CEP164: variants seen among roughly 807,000 people sequenced by gnomAD.
CEP164 encodes centrosomal protein 164.
Under a neutral mutation model 182.7 loss-of-function variants are expected in CEP164, and 162 were observed. That is an observed-to-expected ratio of 0.89 (90% CI 0.78 to 1.01). The LOEUF (loss-of-function observed/expected upper bound fraction) is 1.01, where lower values mean the gene tolerates loss of function less well. CEP164 is among the 50% of genes least tolerant of loss of function. The pLI, the probability that CEP164 is intolerant of heterozygous loss-of-function variation, is 0.00. For synonymous variants in CEP164, 661 were observed against 690.0 expected, an observed-to-expected ratio of 0.96 and a Z score of 0.66; for missense variants, 1,735 against 1,790.4, an observed-to-expected ratio of 0.97 and a Z score of 0.56.
chr11:117,396,573 T>C lies in CEP164; in HGVS notation c.3240T>C (p.Ser1080=), dbSNP rs1312922393. Residue 1080 remains serine, a synonymous_variant, in exon 26 of 33, where the codon TCT becomes TCC. Transcript: ENST00000278935. The part of the protein sequence containing the change: ...LGTNQTKEVS[S]SLSQSKEDLY... Reference sequence around the variant, plus strand: ...AGAACCAGACCAAAGAGGTGTCTTCTTCTCTCTCCCAGAGCAAGGAGGACT... The same window carrying C: ...AGAACCAGACCAAAGAGGTGTCTTCCTCTCTCTCCCAGAGCAAGGAGGACT... 1.2e-6 allele frequency: 2 copies of C among 1,613,868 alleles called. No individual in the cohort carries two copies. Among genetic ancestry groups the C allele is most frequent in the Non-Finnish European group, 1.7e-6 (2 of 1,179,710 alleles).
intron 5 of CEP164, chr11:117,356,206 G>A: frequency 3.7e-6 from 4 of 1,072,694 alleles, no homozygotes; most frequent in Non-Finnish European, 4.6e-6. Flanking sequence ...CTGACGAGGA[G>A]CAGTCAGAAA....
rs781119427 is a variant in CEP164 at position 117,397,298 on chromosome 11, C to T, written c.3486C>T (p.Arg1162=). The T allele has an allele frequency of 1.2e-6, 2 of 1,612,666 alleles. No individual in the cohort carries two copies. Among genetic ancestry groups the T allele is most frequent in the South Asian group, 1.1e-5 (1 of 90,990 alleles). The change falls in exon 27 of 33, where the codon CGC becomes CGT. Residue 1162 remains arginine (R), a synonymous_variant. Coordinates refer to ENST00000278935, the MANE Select transcript of CEP164 (RefSeq NM_014956.5). Reference sequence around the variant, plus strand: ...GCATCAAGGCCCTGGAAGATATGCGCAAGAACCTGGAGAAGGTCAGGAGCT... The same window carrying T: ...GCATCAAGGCCCTGGAAGATATGCGTAAGAACCTGGAGAAGGTCAGGAGCT... ...PPGIKALEDM[R]KNLEKETRHL...
At chr11:117,348,955 T>C (rs1488581003) in intron 4 of CEP164, among the ~76,000 whole-genome samples, 1 of 152,240 alleles carries the variant, frequency 6.6e-6, no homozygotes, top group Non-Finnish European at 1.5e-5. Context: ...ATCTATGTTG[T>C]AGCATGCGTG....
intron 27 of CEP164, among the ~76,000 whole-genome samples, chr11:117,401,029 T>A (rs1268450933): frequency 6.6e-6 from 1 of 152,204 alleles, no homozygotes; most frequent in African/African-American, 2.4e-5. Flanking sequence ...CTGTGTTGAA[T>A]AGGAGTGGTG....
chr11:117,362,123 G>T (rs1382969094), intron 6 of CEP164, 130 bp downstream of exon 6: 1 of 947,194 alleles, frequency 1.1e-6, no homozygotes, highest in African/African-American at 1.7e-5. Flanking sequence ...TAATCCAGTT[G>T]GGAAAATGTA....
chr11:117,396,564 G>T lies in CEP164; in HGVS notation c.3231G>T (p.Glu1077Asp), dbSNP rs1287224528. ...RKSLGTNQTK[E>D]VSSSLSQSKE... ...TGTGTCCCTAGAACCAGACCAAAGA[G>T]GTGTCTTCTTCTCTCTCCCAGAGCA... Residue 1077 changes from glutamate (E) to aspartate (D), a missense_variant, in exon 26 of 33, where the codon GAG becomes GAT. Transcript: ENST00000278935. 1 of 1,613,784 alleles carries T rather than the reference G, an allele frequency of 6.2e-7. No individual in the cohort carries two copies. The highest frequency in any genetic ancestry group is 8.5e-7 in the Non-Finnish European group (1 of 1,179,680).
chr11:117,411,438 G>A lies in CEP164; in HGVS notation c.4164-357G>A, dbSNP rs1363252261. On this transcript the variant is annotated intron_variant, in intron 31 of 32. Coordinates refer to ENST00000278935, the MANE Select transcript of CEP164 (RefSeq NM_014956.5). The surrounding 1 kb of genome is among the most constrained non-coding windows in gnomAD (Gnocchi z 4.4). ...CTCTCCCTCCCTTAGGCAGCTAACAGTGAGTACCCCCCACTAACCCTTTGG... is the reference window on the plus strand; with the variant it reads ...CTCTCCCTCCCTTAGGCAGCTAACAATGAGTACCCCCCACTAACCCTTTGG... The A allele has an allele frequency of 2.4e-5, 7 of 290,770 alleles. No homozygotes were observed. The highest frequency in any genetic ancestry group is 3.9e-5 in the Non-Finnish European group (6 of 152,552). The allele number at this position is 290,770 out of a possible 1,614,324, so 18.0% of individuals were successfully genotyped here.
intron 14 of CEP164, among the ~76,000 whole-genome samples, chr11:117,384,389 A>C (rs1247775611): frequency 2.0e-5 from 3 of 152,216 alleles, no homozygotes; most frequent in African/African-American, 7.2e-5. Flanking sequence ...TGGAGGAATT[A>C]TATGGCTTTC....
chr11:117,356,540 C>T, intron 5 of CEP164: 2 of 1,289,378 alleles, frequency 1.6e-6, no homozygotes, highest in Non-Finnish European at 2.0e-6. Flanking sequence ...CAGCAGCACC[C>T]TCAGGCAGGG....
chr11:117,351,182 A>G (rs1246000933), intron 4 of CEP164, among the ~76,000 whole-genome samples: 1 of 152,002 alleles, frequency 6.6e-6, no homozygotes, highest in Non-Finnish European at 1.5e-5. Context: ...ACAGGCATGC[A>G]CCACCACCCC....
intron 3 of CEP164, among the ~76,000 whole-genome samples, chr11:117,340,557 G>A (rs961583973): frequency 7.2e-5 from 11 of 151,806 alleles, no homozygotes; most frequent in African/African-American, 2.4e-4. Flanking sequence ...TGTTTTTAGA[G>A]ACAGTCTTAC....
At chr11:117,344,331 G>A (rs999597572) in intron 4 of CEP164, 54 bp downstream of exon 4, 1 of 1,223,638 alleles carries the variant, frequency 8.2e-7, no homozygotes, top group East Asian at 2.4e-5. Context: ...GCAGAGGGAA[G>A]CTAATACTGG....
intron 15 of CEP164, among the ~76,000 whole-genome samples, chr11:117,388,941 T>A (rs1326301163): frequency 1.3e-5 from 2 of 149,534 alleles, no homozygotes; most frequent in Admixed American, 6.6e-5. Context: ...AATTTTTTTT[T>A]TTTTATTTTT....
chr11:117,381,002 A>T (rs575141896), intron 12 of CEP164, among the ~76,000 whole-genome samples: 4 of 152,304 alleles, frequency 2.6e-5, no homozygotes, highest in Admixed American at 2.0e-4. Flanking sequence ...TCTGGGCACC[A>T]TTGTGGGGCC....
chr11:117,322,469 A>T (rs1159785152), intron 1 of CEP164, among the ~76,000 whole-genome samples: 1 of 152,124 alleles, frequency 6.6e-6, no homozygotes, highest in African/African-American at 2.4e-5. Flanking sequence ...TCTCTCTTCT[A>T]GCTATTTTGA....
intron 5 of CEP164, chr11:117,355,811 T>A: frequency 9.2e-7 from 1 of 1,087,870 alleles, no homozygotes; most frequent in Non-Finnish European, 1.1e-6. Context: ...TCTAGGGGCC[T>A]CAGCTGAAGA....
chr11:117,379,852 CTTT>C (rs58534321), intron 11 of CEP164, among the ~76,000 whole-genome samples: 48 of 116,904 alleles, frequency 4.1e-4, no homozygotes, highest in Non-Finnish European at 6.1e-4. Context: ...ATAGTTCTTC[CTTT>C]TTTTTTTTTT....
At chr11:117,354,411 A>G (rs1258881703) in intron 5 of CEP164, among the ~76,000 whole-genome samples, 1 of 152,198 alleles carries the variant, frequency 6.6e-6, no homozygotes, top group Admixed American at 6.5e-5. Flanking sequence ...TTCAGACTGT[A>G]GTTTGTGGTA....
chr11:117,385,621 T>C (rs1043139699), intron 14 of CEP164: 1 of 152,100 alleles, frequency 6.6e-6, no homozygotes, highest in African/African-American at 2.4e-5. Context: ...TCAGCCAAGG[T>C]TGGAAATGAG....
Sources: gnomAD v4.1 joint callset for allele counts (sites outside exome capture counted in the v4.1 genomes callset) on GRCh38, gnomAD v4.1.1 for gene constraint, Gnocchi (gnomAD v3.1) non-coding constraint, MANE v1.5 for transcripts, NCBI Gene and HGNC (gene_info 2026-07-23, HGNC 2026-07-21) for gene names.